SNRPE: variants seen among roughly 807,000 people sequenced by gnomAD.
SNRPE encodes the protein small nuclear ribonucleoprotein E.
For synonymous variants in SNRPE, 35 were observed against 36.7 expected (o/e 0.95, Z 0.17); for missense variants, 53 against 111.6 (o/e 0.48, Z 2.36).
chr1:203,864,876 C>CAAAAAAAAAAAAAA (rs61506397), intron 3 of SNRPE, among the ~76,000 whole-genome samples, 165 bp from the exon 4 acceptor site: 1 of 119,290 alleles, frequency 8.4e-6, no homozygotes, highest in Non-Finnish European at 1.7e-5. Flanking sequence ...GATCCTTTCT[C>CAAAAAAAAAAAAAA]AAAAAAAAAA....
Position 203,870,111 on chromosome 1 carries a change from GT to G in SNRPE, c.*180del. On this transcript the variant is annotated 3_prime_UTR_variant, in exon 5 of 5. Coordinates refer to ENST00000414487, the MANE Select transcript of SNRPE (RefSeq NM_003094.4). ...TTACATTGCTTCTTACTATTCAGCA[GT>G]AGAAACTTTTTACACAGTAACACCA... 1 of 498,194 alleles carries G rather than the reference GT, an allele frequency of 2.0e-6. No homozygotes were observed. The allele number at this position is 498,194 out of a possible 1,614,324, so 30.9% of individuals were successfully genotyped here.
chr1:203,867,208 A>C (rs1294368036), intron 4 of SNRPE, among the ~76,000 whole-genome samples: 2 of 147,654 alleles, frequency 1.4e-5, no homozygotes, highest in Non-Finnish European at 3.0e-5. Flanking sequence ...CGAACCTGGG[A>C]GGCGGAGCTT....
intron 4 of SNRPE, among the ~76,000 whole-genome samples, chr1:203,869,339 T>C (rs1690165735): frequency 7.1e-6 from 1 of 140,924 alleles, no homozygotes; most frequent in Non-Finnish European, 1.5e-5. Flanking sequence ...TGAATTTTGC[T>C]CTTGTTGCCC....
chr1:203,863,645 C>CTT lies in SNRPE; in HGVS notation c.82-15_82-14dup. The CTT allele has an allele frequency of 6.2e-7, 1 of 1,603,816 alleles. No homozygotes were observed. The highest frequency in any genetic ancestry group is 8.5e-7 in the Non-Finnish European group (1 of 1,171,010). Reference sequence around the variant, plus strand: ...TATTTTTCTTTTTTTAACGTTTCCACTTTTATGATTATTTCAGAGATCGCG... The same window carrying CTT: ...TATTTTTCTTTTTTTAACGTTTCCACTTTTTTATGATTATTTCAGAGATCGCG... On this transcript the variant is annotated splice_polypyrimidine_tract_variant and intron_variant, in intron 2 of 4. Coordinates refer to ENST00000414487, the MANE Select transcript of SNRPE (RefSeq NM_003094.4).
intron 4 of SNRPE, among the ~76,000 whole-genome samples, chr1:203,866,255 A>C (rs1028866374): frequency 6.6e-6 from 1 of 152,228 alleles, no homozygotes; most frequent in South Asian, 2.1e-4. Context: ...AAGACCAAGT[A>C]AATATTTTGC....
chr1:203,865,424 T>C (rs1368129454), intron 4 of SNRPE, among the ~76,000 whole-genome samples: 1 of 152,144 alleles, frequency 6.6e-6, no homozygotes, highest in East Asian at 1.9e-4. Flanking sequence ...GCTCCCTCCT[T>C]AAAGCGCTTT....
At chr1:203,862,018 A>G (rs756342556) in intron 1 of SNRPE, 178 bp from the exon 2 acceptor site, 5 of 626,720 alleles carry the variant, frequency 8.0e-6, no homozygotes, top group Non-Finnish European at 1.4e-5. Context: ...AGTGGAATGG[A>G]TGTTCTTTAG....
intron 2 of SNRPE, among the ~76,000 whole-genome samples, chr1:203,862,675 T>C (rs1208251176): frequency 6.6e-6 from 1 of 152,140 alleles, no homozygotes; most frequent in East Asian, 1.9e-4. Context: ...AGAGAAGGGG[T>C]AGCTTCAGAG....
chr1:203,869,927 A>G lies in SNRPE; in HGVS notation c.274A>G (p.Asn92Asp), dbSNP rs761667543. 6.3e-7 allele frequency: 1 copy of G among 1,592,536 alleles called. No homozygotes were observed. The highest frequency in any genetic ancestry group is 1.3e-5 in the African/African-American group (1 of 74,592). The change falls in exon 5 of 5, where the codon AAC becomes GAC. Residue 92 changes from asparagine to aspartate, a missense_variant. Transcript: ENST00000414487. The part of the protein sequence containing the change: ...DNITLLQSVS[N>D] ...TATTACTCTGCTACAAAGTGTCTCC[A>G]ACTAGAAATGATCAATGAAGTGAGA...
intron 1 of SNRPE, 168 bp from the exon 2 acceptor site, chr1:203,862,028 G>C: frequency 1.6e-6 from 1 of 641,158 alleles, no homozygotes; most frequent in Non-Finnish European, 2.8e-6. Context: ...ATGTTCTTTA[G>C]TCTTTAGAAG....
At chr1:203,868,417 C>A (rs1690139460) in intron 4 of SNRPE, among the ~76,000 whole-genome samples, 1 of 152,204 alleles carries the variant, frequency 6.6e-6, no homozygotes, top group Non-Finnish European at 1.5e-5. Context: ...CATCAAGACA[C>A]ACTGAATCAT....
Position 203,870,927 on chromosome 1 carries a change from G to A in SNRPE, c.*995G>A, listed in dbSNP as rs989523905. Among the ~76,000 whole-genome samples, 4 of 152,190 alleles carry A rather than the reference G, an allele frequency of 2.6e-5. No individual in the cohort carries two copies. The highest frequency in any genetic ancestry group is 7.2e-5 in the African/African-American group (3 of 41,450). On this transcript the variant is annotated 3_prime_UTR_variant, in exon 5 of 5. Coordinates refer to ENST00000414487, the MANE Select transcript of SNRPE (RefSeq NM_003094.4). Reference sequence around the variant, plus strand: ...TAAAGGCCATGTTGTTATTAAGGACGGGTGAGGAAGGACCAAGAAGTCTGG... The same window carrying A: ...TAAAGGCCATGTTGTTATTAAGGACAGGTGAGGAAGGACCAAGAAGTCTGG...
At chr1:203,862,310 T>C in intron 2 of SNRPE, 88 bp downstream of exon 2, 1 of 929,574 alleles carries the variant, frequency 1.1e-6, no homozygotes, top group South Asian at 1.3e-5. Flanking sequence ...ATCGCTGTGT[T>C]CTAGAATTTA....
chr1:203,868,995 G>C (rs1264916310), intron 4 of SNRPE, among the ~76,000 whole-genome samples: 1 of 152,162 alleles, frequency 6.6e-6, no homozygotes, highest in Non-Finnish European at 1.5e-5. Flanking sequence ...AAGATGTCTT[G>C]CCAGGACGGG....
chr1:203,865,344 G>T (rs981669725), intron 4 of SNRPE, among the ~76,000 whole-genome samples: 2 of 152,192 alleles, frequency 1.3e-5, no homozygotes, highest in Admixed American at 1.3e-4. Context: ...AAGACTAGTG[G>T]TATTAAATCT....
At chr1:203,865,595 CAAGTT>C (rs898140990) in intron 4 of SNRPE, among the ~76,000 whole-genome samples, 20 of 152,150 alleles carry the variant, frequency 1.3e-4, no homozygotes, top group Non-Finnish European at 2.9e-5. Flanking sequence ...TCAGAGTCGT[CAAGTT>C]CAGTTCAGTT....
chr1:203,866,572 T>G (rs901630373), intron 4 of SNRPE, among the ~76,000 whole-genome samples: 2 of 152,182 alleles, frequency 1.3e-5, no homozygotes, highest in Non-Finnish European at 2.9e-5. Flanking sequence ...TCACACTGTT[T>G]AGAGCTATTG....
chr1:203,863,513 G>T (rs1572402932), intron 2 of SNRPE, 150 bp from the exon 3 acceptor site: 3 of 610,780 alleles, frequency 4.9e-6, no homozygotes, highest in South Asian at 4.3e-5. Flanking sequence ...TAGAGATGGG[G>T]TTTCACCATG....
intron 4 of SNRPE, among the ~76,000 whole-genome samples, chr1:203,868,971 G>T (rs7533264): frequency 6.6e-6 from 1 of 152,082 alleles, no homozygotes; most frequent in East Asian, 1.9e-4. Context: ...ACCCAGCCGG[G>T]TTTTTTAGAT....
Sources: gnomAD v4.1 joint callset for allele counts (sites outside exome capture counted in the v4.1 genomes callset) on GRCh38, gnomAD v4.1.1 for gene constraint, MANE v1.5 for transcripts, NCBI Gene and HGNC (gene_info 2026-07-23, HGNC 2026-07-21) for gene names.